IPO5: variants seen among roughly 807,000 people sequenced by gnomAD.
The protein encoded by IPO5 is importin-5.
IPO5 carries 18 observed loss-of-function variants against 143.3 expected under a neutral mutation model. The ratio of observed to expected loss-of-function variants is 0.13; its 90% CI spans 0.09 to 0.19. IPO5 has a LOEUF of 0.19. IPO5 is among the 10% of genes least tolerant of loss of function. The pLI is 1.00. For synonymous variants in IPO5, 477 were observed against 465.7 expected, an observed-to-expected ratio of 1.02 and a Z score of -0.31; for missense variants, 1,013 against 1,336.9, an observed-to-expected ratio of 0.76 and a Z score of 3.78.
At chr13:97,973,295 G>A (rs954792160) in intron 3 of IPO5, among the ~76,000 whole-genome samples, 1 of 151,812 alleles carries the variant, frequency 6.6e-6, no homozygotes, top group Non-Finnish European at 1.5e-5. Flanking sequence ...GGATCCACCC[G>A]CCTCCCAAAG....
At chr13:97,983,894 C>T (rs1887078945) in intron 5 of IPO5, among the ~76,000 whole-genome samples, 1 of 135,322 alleles carries the variant, frequency 7.4e-6, no homozygotes. Flanking sequence ...TACTTCTTTG[C>T]TTTTGTAACC....
At position 97,992,908 on chromosome 13, in the gene IPO5, G is replaced by A. The variant is rs1467797201; in HGVS notation, c.686G>A (p.Cys229Tyr). Residue 229 changes from cysteine to tyrosine, a missense_variant, in exon 10 of 29, where the codon TGC becomes TAC. Around this residue, in one of 2 missense-constraint regions of IPO5, gnomAD observed 328 missense variants for 342.0 expected, o/e 0.96. Transcript: ENST00000651721. ...PGFLQAVNDS[C>Y]YQNDDSVLKS... ...CTTTTCTAGGCGGTAAATGACTCGT[G>A]CTACCAGAATGATGATTCTGTCCTA... 6.2e-7 allele frequency: 1 copy of A among 1,612,214 alleles called. No homozygotes were observed. The highest frequency in any genetic ancestry group is 8.5e-7 in the Non-Finnish European group (1 of 1,178,640).
intron 13 of IPO5, among the ~76,000 whole-genome samples, chr13:98,001,237 C>T (rs776408480): frequency 6.6e-6 from 1 of 152,116 alleles, no homozygotes; most frequent in Admixed American, 6.5e-5. Flanking sequence ...ATATATCAAT[C>T]CCAAAGTTTA....
chr13:97,964,796 A>T (rs1885179405), intron 2 of IPO5, among the ~76,000 whole-genome samples: 1 of 152,002 alleles, frequency 6.6e-6, no homozygotes. Context: ...TTCCTCAAGG[A>T]TCTAGAACCA....
intron 20 of IPO5, among the ~76,000 whole-genome samples, chr13:98,011,281 G>T (rs1277342029): frequency 1.9e-3 from 286 of 150,120 alleles, no homozygotes; most frequent in Admixed American, 8.7e-3. Context: ...GGTTTTTTTT[G>T]TTTGTTTGTT....
intron 8 of IPO5, 69 bp from the exon 9 acceptor site, chr13:97,990,364 A>G: frequency 7.8e-7 from 1 of 1,276,952 alleles, no homozygotes; most frequent in Non-Finnish European, 1.1e-6. Context: ...TTTGATCTTG[A>G]GTAAGAAAAC....
At chr13:97,954,063 T>C in intron 1 of IPO5, 56 bp from the exon 2 acceptor site, 1 of 333,182 alleles carries the variant, frequency 3.0e-6, no homozygotes, top group Admixed American at 3.6e-5. Flanking sequence ...GTTATTATCC[T>C]AAAGGTCTGT....
chr13:97,976,857 C>G, intron 4 of IPO5, 71 bp downstream of exon 4: 1 of 572,084 alleles, frequency 1.7e-6, no homozygotes, highest in Non-Finnish European at 2.7e-6. Context: ...GCCAGCCGCA[C>G]CGGGCCTCGG....
Position 98,021,059 on chromosome 13 carries a change from G to C in IPO5, c.3133G>C (p.Gly1045Arg). ...CAAAATATTTAGTATAATTGCGGAA[G>C]GAGAAATGCACGAGGCAATTAAACA... ...LPKIFSIIAE[G>R]EMHEAIKHED... The change falls in exon 28 of 29, where the codon GGA becomes CGA. Residue 1045 changes from glycine (G) to arginine (R), a missense_variant. Gly to Arg is a moderately radical substitution (Grantham distance 125). Coordinates refer to ENST00000651721, the MANE Select transcript of IPO5 (RefSeq NM_002271.6). The C allele has an allele frequency of 6.2e-7, 1 of 1,612,058 alleles. No homozygotes were observed. The highest frequency in any genetic ancestry group is 8.5e-7 in the Non-Finnish European group (1 of 1,179,268).
At chr13:98,016,225 G>A (rs1224768621) in intron 24 of IPO5, among the ~76,000 whole-genome samples, 1 of 152,072 alleles carries the variant, frequency 6.6e-6, no homozygotes, top group African/African-American at 2.4e-5. Context: ...TGTGTGTTTA[G>A]AGTCCAGCAT....
rs554546482 is a variant in IPO5, at chr13:97,972,377, GTGGGAGAGA to G, written c.-5+2549_-5+2557del. 5.0e-4 allele frequency among the ~76,000 whole-genome samples: 76 copies of G among 152,320 alleles called. 1 individual carries two copies. In the South Asian group the frequency reaches 0.016, roughly 31 times the overall value. ...GGAGCCCATAAAACTAAGAGCAGTA[GTGGGAGAGA>G]TTCTGATGCTCTCTAGTTAAGGAGC... is the stretch of plus-strand genomic sequence containing the variant. On this transcript the variant is annotated intron_variant, in intron 3 of 28. Transcript: ENST00000651721.
intron 13 of IPO5, among the ~76,000 whole-genome samples, chr13:98,001,442 T>C (rs573580628): frequency 2.0e-5 from 3 of 152,286 alleles, no homozygotes; most frequent in Non-Finnish European, 4.4e-5. Context: ...TCTCCTGCCC[T>C]AGCCTCCTGA....
chr13:98,008,332 T>G (rs1265416190), intron 18 of IPO5, among the ~76,000 whole-genome samples, 190 bp downstream of exon 18: 2 of 152,214 alleles, frequency 1.3e-5, no homozygotes. Context: ...AGGTTGCTCT[T>G]GCTTTCTGTG....
At chr13:97,991,316 A>G (rs181193426) in intron 9 of IPO5, among the ~76,000 whole-genome samples, 34 of 152,342 alleles carry the variant, frequency 2.2e-4, no homozygotes, top group Middle Eastern at 6.8e-3. Flanking sequence ...ACAAGACTAC[A>G]CTGGAAGACA....
chr13:97,991,604 C>T (rs1453970868), intron 9 of IPO5, among the ~76,000 whole-genome samples: 15 of 152,192 alleles, frequency 9.9e-5, no homozygotes, highest in Admixed American at 5.9e-4. Context: ...GTCAGAAATC[C>T]GAAATACTCA....
intron 7 of IPO5, 62 bp downstream of exon 7, chr13:97,989,226 A>G: frequency 1.2e-6 from 1 of 846,380 alleles, no homozygotes; most frequent in Non-Finnish European, 1.9e-6. Context: ...AACACCTTTT[A>G]ACTGATTATT....
intron 7 of IPO5, 116 bp downstream of exon 7, chr13:97,989,280 T>C: frequency 7.3e-6 from 4 of 546,114 alleles, no homozygotes; most frequent in East Asian, 3.3e-5. Flanking sequence ...ATAATGCCTT[T>C]ACATAAGTTT....
At chr13:98,012,484 G>C in intron 21 of IPO5, 142 bp downstream of exon 21, 1 of 603,478 alleles carries the variant, frequency 1.7e-6, no homozygotes, top group Non-Finnish European at 3.0e-6. Flanking sequence ...TGATAAACTC[G>C]GTTCTCTGCA....
At chr13:97,999,399 A>G (rs1383585986) in intron 12 of IPO5, among the ~76,000 whole-genome samples, 1 of 152,162 alleles carries the variant, frequency 6.6e-6, no homozygotes, top group Non-Finnish European at 1.5e-5. Context: ...TTTTTGGTTC[A>G]GTTACTGTAA....
Sources: gnomAD v4.1 joint callset for allele counts (sites outside exome capture counted in the v4.1 genomes callset) on GRCh38, gnomAD v4.1.1 for gene constraint, gnomAD v4.1.1 regional missense constraint, MANE v1.5 for transcripts, NCBI Gene and HGNC (gene_info 2026-07-23, HGNC 2026-07-21) for gene names.